The following ELMO1 variants were observed in gnomAD, a reference collection of about 807,000 sequenced individuals.
The protein encoded by ELMO1 is engulfment and cell motility protein 1.
In ELMO1, 26 loss-of-function variants were observed where a neutral mutation model predicts 98.9. The ratio of observed to expected loss-of-function variants is 0.26; its 90% confidence interval spans 0.19 to 0.36. ELMO1 has a LOEUF of 0.36. ELMO1 is among the 10% of genes least tolerant of loss of function. The probability of loss-of-function intolerance (pLI) is 1.00; values close to 1 mark genes in which losing one functional copy is unlikely to be tolerated. For synonymous variants in ELMO1, 346 were observed against 346.0 expected, an observed-to-expected ratio of 1.00 and a Z score of 0.00; for missense variants, 627 against 935.2, an observed-to-expected ratio of 0.67 and a Z score of 4.30.
chr7:37,247,328 G>A (rs946107767), intron 6 of ELMO1, among the ~76,000 whole-genome samples: 1 of 152,164 alleles, frequency 6.6e-6, no homozygotes, highest in Non-Finnish European at 1.5e-5. Context: ...GTGAGTGACA[G>A]TGGTAGGTAA....
Position 37,039,870 on chromosome 7 carries a change from T to A in ELMO1, c.1301-26435A>T, listed in dbSNP as rs1187633827. Among the ~76,000 whole-genome samples the A allele has an allele frequency of 3.3e-5, 5 of 152,360 alleles. No individual in the cohort carries two copies. The East Asian group carries it at 9.6e-4, about 29-fold the overall frequency. On this transcript the variant is annotated intron_variant, in intron 15 of 21. Coordinates refer to ENST00000310758, the MANE Select transcript of ELMO1 (RefSeq NM_014800.11). ...ATAAATTACAGGTGCTGATCCAGAA[T>A]AATTAAAAAGTGCAAAGATGTAAAC...
At chr7:37,191,832 T>G (rs958570583) in intron 13 of ELMO1, among the ~76,000 whole-genome samples, 3 of 151,762 alleles carry the variant, frequency 2.0e-5, no homozygotes, top group African/African-American at 7.3e-5. Flanking sequence ...CCAGGAGAAT[T>G]CCATGAACCC....
chr7:37,290,016 A>G (rs955778420), intron 4 of ELMO1, among the ~76,000 whole-genome samples: 8 of 152,236 alleles, frequency 5.3e-5, no homozygotes, highest in African/African-American at 1.9e-4. Flanking sequence ...CATAAGTAAG[A>G]CAGTGAGCAA....
chr7:37,289,032 G>T (rs1024028762), intron 4 of ELMO1, among the ~76,000 whole-genome samples: 1 of 152,096 alleles, frequency 6.6e-6, no homozygotes, highest in African/African-American at 2.4e-5. Flanking sequence ...AGTCTTTCCT[G>T]TCAGTTTCCA....
rs1795853601 is a variant in ELMO1, at chr7:37,259,217, A to G, written c.377T>C (p.Ile126Thr). ...FAQEFINLDG[I>T]SLLTQMVESG... ...CTCCACCATCTGCGTGAGGAGAGAG[A>G]TACCGTCCAGGTTTATAAACTCCTG... The change falls in exon 6 of 22, where the codon ATC (isoleucine) becomes ACC (threonine). Residue 126 changes from isoleucine to threonine, a missense_variant. By Grantham distance (89) the Ile-to-Thr change is moderately conservative. Transcript: ENST00000310758. The G allele has an allele frequency of 2.5e-6, 4 of 1,613,974 alleles. No individual in the cohort carries two copies. Among genetic ancestry groups the G allele is most frequent in the Non-Finnish European group, 3.4e-6 (4 of 1,180,002 alleles).
In ELMO1 at chr7:37,133,167, A is replaced by G; in HGVS notation, c.1154T>C (p.Leu385Pro). ...PPGMLALDNMLYFAKHHQDAY... is the reference protein window; with the variant it reads ...PPGMLALDNMPYFAKHHQDAY... ...ATCTTGGTGGTGCTTGGCAAAGTACAGCATGTTGTCCAGAGCCAACATCCC... is the reference window on the plus strand; with the variant it reads ...ATCTTGGTGGTGCTTGGCAAAGTACGGCATGTTGTCCAGAGCCAACATCCC... Residue 385 changes from leucine (L) to proline (P), a missense_variant, in exon 14 of 22, where the codon CTG (leucine) becomes CCG (proline). Leu to Pro is a moderately conservative substitution (Grantham distance 98). Around this residue, in one of 3 missense-constraint regions of ELMO1, gnomAD observed 492 missense variants for 715.6 expected, o/e 0.69. Transcript: ENST00000310758. 1.2e-6 allele frequency: 2 copies of G among 1,613,042 alleles called. No individual in the cohort carries two copies. The highest frequency in any genetic ancestry group is 1.7e-6 in the Non-Finnish European group (2 of 1,179,584).
intron 4 of ELMO1, among the ~76,000 whole-genome samples, chr7:37,311,121 C>A (rs1259725901): frequency 1.3e-5 from 2 of 151,976 alleles, no homozygotes; most frequent in African/African-American, 4.8e-5. Context: ...AATGCTTCTG[C>A]TGAATGCTAC....
intron 1 of ELMO1, among the ~76,000 whole-genome samples, chr7:37,410,109 G>A (rs554517022): frequency 2.6e-5 from 4 of 152,120 alleles, no homozygotes; most frequent in South Asian, 2.1e-4. Flanking sequence ...TTTTGCTTCC[G>A]ACTTCCTTTA....
At chr7:37,219,657 G>A (rs182084842) in intron 10 of ELMO1, among the ~76,000 whole-genome samples, 117 of 152,292 alleles carry the variant, frequency 7.7e-4, no homozygotes, top group African/African-American at 2.5e-3. Context: ...TCTGACAGGC[G>A]TTGGATGGGA....
At chr7:37,396,558 A>C (rs968945536) in intron 1 of ELMO1, among the ~76,000 whole-genome samples, 1 of 152,226 alleles carries the variant, frequency 6.6e-6, no homozygotes, top group South Asian at 2.1e-4. Context: ...AATGGACAAG[A>C]ATCATTCACA....
chr7:37,411,977 T>G (rs767524807), intron 1 of ELMO1, among the ~76,000 whole-genome samples: 1 of 152,128 alleles, frequency 6.6e-6, no homozygotes, highest in Non-Finnish European at 1.5e-5. Flanking sequence ...GAAAATTCTG[T>G]TCAAATTAAA....
chr7:37,202,871 C>T (rs1443861989), intron 13 of ELMO1, among the ~76,000 whole-genome samples: 1 of 152,126 alleles, frequency 6.6e-6, no homozygotes, highest in African/African-American at 2.4e-5. Context: ...AAGGGTGAGC[C>T]TGTTGATGTC....
At chr7:37,078,344 C>G (rs968186170) in intron 15 of ELMO1, among the ~76,000 whole-genome samples, 9 of 152,114 alleles carry the variant, frequency 5.9e-5, no homozygotes, top group African/African-American at 1.9e-4. Flanking sequence ...ATCTATAAAT[C>G]TCTACCTATA....
At chr7:37,357,774 T>C (rs1801546987) in intron 1 of ELMO1, among the ~76,000 whole-genome samples, 1 of 152,240 alleles carries the variant, frequency 6.6e-6, no homozygotes, top group African/African-American at 2.4e-5. Flanking sequence ...TGGTTTAAGA[T>C]AAAACACAGT....
At chr7:37,219,078 C>G (rs1793452500) in intron 10 of ELMO1, among the ~76,000 whole-genome samples, 1 of 152,208 alleles carries the variant, frequency 6.6e-6, no homozygotes, top group South Asian at 2.1e-4. Flanking sequence ...AAAACTAGCC[C>G]AGCCCTTCCC....
At chr7:37,010,352 C>G (rs577828986) in intron 16 of ELMO1, among the ~76,000 whole-genome samples, 2 of 152,228 alleles carry the variant, frequency 1.3e-5, no homozygotes, top group Non-Finnish European at 2.9e-5. Flanking sequence ...CCTGAGAATA[C>G]GTTACCTTCT....
chr7:37,285,557 G>C (rs1429760224), intron 4 of ELMO1, among the ~76,000 whole-genome samples: 1 of 152,198 alleles, frequency 6.6e-6, no homozygotes, highest in Non-Finnish European at 1.5e-5. Context: ...GGTGACAAAA[G>C]CAGAATGCAA....
intron 15 of ELMO1, among the ~76,000 whole-genome samples, chr7:37,034,610 G>A (rs1795075713): frequency 6.6e-6 from 1 of 152,100 alleles, no homozygotes; most frequent in African/African-American, 2.4e-5. Context: ...CATGTTATAT[G>A]TATTATATAT....
rs545070281 is a variant in ELMO1 at position 36,966,767 on chromosome 7, A to AT, written c.1437+46531_1437+46532insA. On this transcript the variant is annotated intron_variant, in intron 16 of 21. Transcript: ENST00000310758. ...TAATGAAAAAGAAACTTTGACCATA[A>AT]GACAAATTGTTCTTCAGAAAGGACC... Among the ~76,000 whole-genome samples the AT allele has an allele frequency of 5.3e-5, 8 of 152,364 alleles. No homozygotes were observed. In the East Asian group the frequency reaches 1.5e-3, roughly 29 times the overall value.
Sources: gnomAD v4.1 joint callset for allele counts (sites outside exome capture counted in the v4.1 genomes callset) on GRCh38, gnomAD v4.1.1 for gene constraint, gnomAD v4.1.1 regional missense constraint, MANE v1.5 for transcripts, NCBI Gene and HGNC (gene_info 2026-07-23, HGNC 2026-07-21) for gene names.